Variants in ADRA1B observed in about 807,000 individuals in gnomAD.
ADRA1B encodes the protein adrenoceptor alpha 1B.
ADRA1B carries 17 observed loss-of-function variants against 17.9 expected under a neutral mutation model. The ratio of observed to expected loss-of-function variants is 0.95; its 90% confidence interval spans 0.65 to 1.42. The LOEUF is 1.42. Among genes scored for constraint, ADRA1B ranks in the 40% most tolerant of loss-of-function variants. The pLI is 0.00. For missense variants in ADRA1B, 681 were observed against 722.1 expected (o/e 0.94, Z 0.65); for synonymous variants, 366 against 327.6 (o/e 1.12, Z -1.27).
intron 1 of ADRA1B, chr5:159,951,585 T>C (rs1755442150): frequency 1.9e-5 from 9 of 470,182 alleles, no homozygotes; most frequent in Non-Finnish European, 3.5e-5. Flanking sequence ...GTGGAGAATT[T>C]AGCACGGTCT....
rs1441147370 is a variant in ADRA1B at position 159,972,255 on chromosome 5, C to T, written c.1326C>T (p.Cys442=). ...GRGAPPPVEL[C]AFPEWKAPGA... The stretch of plus-strand genomic sequence containing the variant: ...GCGCGCCACCGCCAGTCGAGCTGTG[C>T]GCCTTCCCCGAGTGGAAGGCGCCCG... Residue 442 remains cysteine (C), a synonymous_variant, in exon 2 of 2, where the codon TGC becomes TGT. Transcript: ENST00000306675. 18 of 1,353,524 alleles carry T rather than the reference C, an allele frequency of 1.3e-5. No individual in the cohort carries two copies. Among genetic ancestry groups the T allele is most frequent in the African/African-American group, 1.5e-5 (1 of 65,106 alleles). The allele number at this position is 1,353,524 out of a possible 1,614,324, so 83.8% of individuals were successfully genotyped here.
At chr5:159,927,143 G>C (rs1007127192) in intron 1 of ADRA1B, among the ~76,000 whole-genome samples, 6 of 152,012 alleles carry the variant, frequency 3.9e-5, no homozygotes, top group Admixed American at 2.6e-4. Flanking sequence ...TTATCAAAAG[G>C]CTGCCGTTCC....
chr5:159,866,019 A>T (rs145116152), intron 1 of ADRA1B, among the ~76,000 whole-genome samples: 1 of 152,326 alleles, frequency 6.6e-6, no homozygotes, highest in Non-Finnish European at 1.5e-5. Context: ...TTGGGTGTTC[A>T]TTCCTTAATT....
At position 159,917,619 on chromosome 5, in the gene ADRA1B, G is replaced by A; in HGVS notation, c.714G>A (p.Glu238=). The change falls in exon 1 of 2, where the codon GAG becomes GAA. Residue 238 remains glutamate, a synonymous_variant. Coordinates refer to ENST00000306675, the MANE Select transcript of ADRA1B (RefSeq NM_000679.4). ...CCAAGAGAACCACCAAGAACCTAGA[G>A]GCAGGAGTCATGAAGGAGATGTCCA... ...IVAKRTTKNL[E]AGVMKEMSNS... is the part of the protein sequence containing the mutation. 6.2e-7 allele frequency: 1 copy of A among 1,614,000 alleles called. No individual in the cohort carries two copies. Among genetic ancestry groups the A allele is most frequent in the South Asian group, 1.1e-5 (1 of 91,058 alleles).
chr5:159,915,583 C>T (rs1754281659), upstream of ADRA1B, among the ~76,000 whole-genome samples: 1 of 152,140 alleles, frequency 6.6e-6, no homozygotes, highest in Admixed American at 6.5e-5. Flanking sequence ...CCAAGATCCT[C>T]TACGTCCCTT....
chr5:159,970,086 C>T (rs1755842480), intron 1 of ADRA1B, among the ~76,000 whole-genome samples: 1 of 152,074 alleles, frequency 6.6e-6, no homozygotes. Flanking sequence ...TTTAATATTG[C>T]CATAAAATGT....
At chr5:159,939,319 G>GTA in intron 1 of ADRA1B, among the ~76,000 whole-genome samples, 1 of 121,512 alleles carries the variant, frequency 8.2e-6, no homozygotes, top group Non-Finnish European at 1.9e-5. Context: ...GTGTGTGTGT[G>GTA]TGTGCGCGCG....
At chr5:159,943,202 ACT>A (rs1216085046) in intron 1 of ADRA1B, among the ~76,000 whole-genome samples, 1 of 149,552 alleles carries the variant, frequency 6.7e-6, no homozygotes, top group African/African-American at 2.5e-5. Context: ...ACAGAGCAAG[ACT>A]CTGTCTCAGA....
chr5:159,955,098 A>G (rs930004426), intron 1 of ADRA1B: 14 of 961,554 alleles, frequency 1.5e-5, no homozygotes, highest in Non-Finnish European at 1.7e-5. Flanking sequence ...TTATGATGCC[A>G]GGCAATGTGC....
At chr5:159,883,312 AT>A (rs923629640) in intron 1 of ADRA1B, among the ~76,000 whole-genome samples, 1 of 152,096 alleles carries the variant, frequency 6.6e-6, no homozygotes, top group Non-Finnish European at 1.5e-5. Context: ...CACACATGTA[AT>A]TTTTTTACCA....
chr5:159,866,295 G>GAAAAAAAAAAAAA (rs34220518), intron 1 of ADRA1B, among the ~76,000 whole-genome samples: 1 of 90,252 alleles, frequency 1.1e-5, no homozygotes, highest in African/African-American at 4.4e-5. Flanking sequence ...AACATAGTGA[G>GAAAAAAAAAAAAA]AAAAAAAAAA....
chr5:159,920,509 G>A lies in ADRA1B; in HGVS notation c.949+2655G>A, dbSNP rs549535485. On this transcript the variant is annotated intron_variant, in intron 1 of 1. Coordinates refer to ENST00000306675, the MANE Select transcript of ADRA1B (RefSeq NM_000679.4). ...GCTATCTTGTTTCTCTTCTCCTTGC[G>A]ATGAAAACTTTCCGACTATCATGCG... 5.3e-5 allele frequency among the ~76,000 whole-genome samples: 8 copies of A among 152,110 alleles called. No individual in the cohort carries two copies. In the South Asian group the frequency reaches 1.7e-3, roughly 32 times the overall value.
At chr5:159,874,035 C>A (rs574443120) in intron 1 of ADRA1B, among the ~76,000 whole-genome samples, 1 of 152,170 alleles carries the variant, frequency 6.6e-6, no homozygotes, top group African/African-American at 2.4e-5. Flanking sequence ...CATACTGGAA[C>A]AGAAACACAA....
chr5:159,977,035 T>A (rs571509891), downstream of ADRA1B, among the ~76,000 whole-genome samples: 40 of 152,340 alleles, frequency 2.6e-4, no homozygotes, highest in Non-Finnish European at 5.4e-4. Context: ...AGACACTATT[T>A]TTATTAACTA....
chr5:159,872,703 G>A (rs192765471), intron 1 of ADRA1B, among the ~76,000 whole-genome samples: 12 of 152,168 alleles, frequency 7.9e-5, no homozygotes, highest in Middle Eastern at 3.4e-3. Flanking sequence ...ATAGACCAAG[G>A]TCCTGAGAGG....
chr5:159,900,348 G>T (rs4921240), intron 1 of ADRA1B, among the ~76,000 whole-genome samples: 33,776 of 152,102 alleles, frequency 0.22, 3,853 homozygotes, highest in African/African-American at 0.24. Context: ...AGTGCTCCCA[G>T]AAGTGGAATA....
Position 159,916,770 on chromosome 5 carries a change from G to C in ADRA1B, c.-136G>C. ...TGCTGCCGGGCTGGGCTGCCCGGGG[G>C]AGATGACTCCTCGCCAGGAGGGCGC... is the stretch of plus-strand genomic sequence containing the variant. On this transcript the variant is annotated 5_prime_UTR_variant, in exon 1 of 2. Coordinates refer to ENST00000306675, the MANE Select transcript of ADRA1B (RefSeq NM_000679.4). 1 of 808,940 alleles carries C rather than the reference G, an allele frequency of 1.2e-6. No homozygotes were observed. The highest frequency in any genetic ancestry group is 1.9e-6 in the Non-Finnish European group (1 of 513,850). The allele number at this position is 808,940 out of a possible 1,614,324, so 50.1% of individuals were successfully genotyped here.
intron 1 of ADRA1B, among the ~76,000 whole-genome samples, chr5:159,882,676 C>G (rs1753875288): frequency 6.6e-6 from 1 of 152,212 alleles, no homozygotes; most frequent in Admixed American, 6.5e-5. Flanking sequence ...CCTGATCATA[C>G]AGCTGTGCTT....
At chr5:159,887,927 T>C (rs1753943419) in intron 1 of ADRA1B, 1 of 152,162 alleles carries the variant, frequency 6.6e-6, no homozygotes, top group Admixed American at 6.5e-5. Context: ...TGCCCACCCC[T>C]CACTTCAAGC....
Sources: gnomAD v4.1 joint callset for allele counts (sites outside exome capture counted in the v4.1 genomes callset) on GRCh38, gnomAD v4.1.1 for gene constraint, MANE v1.5 for transcripts, NCBI Gene and HGNC (gene_info 2026-07-23, HGNC 2026-07-21) for gene names.